The following NRXN1 variants were observed in gnomAD, a reference collection of about 807,000 sequenced individuals.
NRXN1 encodes the protein neurexin 1.
A neutral mutation model predicts 150.9 loss-of-function variants in NRXN1; 39 were observed. The observed-to-expected ratio is 0.26, with a 90% CI of 0.20 to 0.34. NRXN1 has a LOEUF of 0.34. NRXN1 is among the 10% of genes least tolerant of loss of function. NRXN1 has a pLI of 1.00. For synonymous variants in NRXN1, 924 were observed against 757.0 expected (o/e 1.22, Z -3.62); for missense variants, 1,815 against 1,949.9 (o/e 0.93, Z 1.30).
intron 2 of NRXN1, among the ~76,000 whole-genome samples, chr2:50,970,646 A>C (rs2104781291): frequency 6.6e-6 from 1 of 152,306 alleles, no homozygotes; most frequent in Non-Finnish European, 1.5e-5. Context: ...AAAATAATTA[A>C]GATCAGTTGA....
chr2:50,695,249 AT>A (rs1268856203), intron 5 of NRXN1, among the ~76,000 whole-genome samples: 1 of 152,108 alleles, frequency 6.6e-6, no homozygotes, highest in Non-Finnish European at 1.5e-5. Flanking sequence ...CCTTCAGAAT[AT>A]TTTAATTGTA....
At chr2:50,198,759 G>A (rs954713671) in intron 18 of NRXN1, among the ~76,000 whole-genome samples, 3 of 152,002 alleles carry the variant, frequency 2.0e-5, no homozygotes, top group African/African-American at 7.2e-5. Context: ...TAAAATATTT[G>A]CTTCATGTGA....
intron 5 of NRXN1, among the ~76,000 whole-genome samples, chr2:50,726,714 A>G (rs1219325939): frequency 6.6e-6 from 1 of 152,212 alleles, no homozygotes; most frequent in Non-Finnish European, 1.5e-5. Flanking sequence ...AACACTTGAA[A>G]TAATATTACT....
chr2:50,706,000 T>C (rs1694382608), intron 5 of NRXN1, among the ~76,000 whole-genome samples: 1 of 152,108 alleles, frequency 6.6e-6, no homozygotes, highest in African/African-American at 2.4e-5. Context: ...CTGAGTAAAG[T>C]TACTCAGCAG....
At chr2:50,713,697 A>C (rs961773942) in intron 5 of NRXN1, among the ~76,000 whole-genome samples, 13 of 152,198 alleles carry the variant, frequency 8.5e-5, no homozygotes, top group East Asian at 1.9e-4. Context: ...ACAAAAAAAA[A>C]CAGATAAATT....
intron 5 of NRXN1, among the ~76,000 whole-genome samples, chr2:50,745,172 A>G (rs1699862618): frequency 6.6e-6 from 1 of 152,166 alleles, no homozygotes; most frequent in African/African-American, 2.4e-5. Flanking sequence ...ACTCATCTAT[A>G]CAATAAAGTT....
At chr2:50,740,626 TATAAA>T (rs2105267951) in intron 5 of NRXN1, among the ~76,000 whole-genome samples, 1 of 152,314 alleles carries the variant, frequency 6.6e-6, no homozygotes, top group East Asian at 1.9e-4. Context: ...TGTGTACGTA[TATAAA>T]ATGGTCAATA....
Position 50,791,675 on chromosome 2 carries a change from C to T in NRXN1, c.832+130194G>A, listed in dbSNP as rs906360137. 4.6e-5 allele frequency among the ~76,000 whole-genome samples: 7 copies of T among 152,170 alleles called. No homozygotes were observed. The East Asian group carries it at 5.8e-4, about 13-fold the overall frequency. On this transcript the variant is annotated intron_variant, in intron 5 of 22. Transcript: ENST00000401669. Reference sequence around the variant, plus strand: ...TTTCCGTGAAAAAATTCCTCTGCAGCGTATTCAAATTGTATAGCCGCAATT... The same window carrying T: ...TTTCCGTGAAAAAATTCCTCTGCAGTGTATTCAAATTGTATAGCCGCAATT...
intron 2 of NRXN1, among the ~76,000 whole-genome samples, chr2:51,001,654 A>C (rs1222197753): frequency 1.3e-5 from 2 of 152,038 alleles, no homozygotes; most frequent in Non-Finnish European, 2.9e-5. Context: ...CATTATAAAA[A>C]ATAAAATTCC....
intron 5 of NRXN1, among the ~76,000 whole-genome samples, chr2:50,778,360 T>C (rs1418414439): frequency 6.6e-6 from 1 of 152,160 alleles, no homozygotes; most frequent in Non-Finnish European, 1.5e-5. Flanking sequence ...AAATATAACA[T>C]AGTAATTGTT....
At chr2:50,519,322 A>G (rs1000152296) in intron 12 of NRXN1, among the ~76,000 whole-genome samples, 1 of 151,956 alleles carries the variant, frequency 6.6e-6, no homozygotes, top group Admixed American at 6.6e-5. Context: ...TTATTAAGCT[A>G]GCTTTTAGTC....
chr2:50,186,307 T>G (rs965637816), intron 18 of NRXN1, among the ~76,000 whole-genome samples: 3 of 152,136 alleles, frequency 2.0e-5, no homozygotes, highest in South Asian at 2.1e-4. Context: ...TAAGTCTTCA[T>G]GTCAACATTT....
rs549505556 is a variant in NRXN1 at position 50,442,938 on chromosome 2, A to C, written c.3364+22504T>G. 8.5e-5 allele frequency among the ~76,000 whole-genome samples: 13 copies of C among 152,288 alleles called. No individual in the cohort carries two copies. In the South Asian group the frequency reaches 2.5e-3, roughly 29 times the overall value. On this transcript the variant is annotated intron_variant, in intron 17 of 22. Transcript: ENST00000401669. ...GATGATATCTGAAAAATATTTAATGAATTTGACAATGTGAAGATGATTGGT... is the reference window on the plus strand; with the variant it reads ...GATGATATCTGAAAAATATTTAATGCATTTGACAATGTGAAGATGATTGGT...
At chr2:50,318,769 A>G (rs1428926513) in intron 17 of NRXN1, among the ~76,000 whole-genome samples, 1 of 152,148 alleles carries the variant, frequency 6.6e-6, no homozygotes, top group Non-Finnish European at 1.5e-5. Context: ...CTATTTTAAA[A>G]AGTAAGAAGA....
At chr2:50,205,108 C>G (rs1559087516) in intron 18 of NRXN1, among the ~76,000 whole-genome samples, 1 of 152,030 alleles carries the variant, frequency 6.6e-6, no homozygotes. Flanking sequence ...AGTAGAGTCA[C>G]ACACAAATAA....
chr2:50,713,175 G>A (rs1019908718), intron 5 of NRXN1, among the ~76,000 whole-genome samples: 25 of 151,952 alleles, frequency 1.6e-4, no homozygotes, highest in African/African-American at 4.8e-4. Flanking sequence ...TTATTCAGGC[G>A]TGGTGGCGCA....
chr2:50,460,970 C>G (rs2088144155), intron 17 of NRXN1, among the ~76,000 whole-genome samples: 1 of 151,994 alleles, frequency 6.6e-6, no homozygotes, highest in Non-Finnish European at 1.5e-5. Context: ...CTTAATACTA[C>G]TGGCAACTCT....
chr2:50,827,002 AT>A (rs1433072167), intron 5 of NRXN1, among the ~76,000 whole-genome samples: 2 of 152,176 alleles, frequency 1.3e-5, no homozygotes, highest in Non-Finnish European at 2.9e-5. Flanking sequence ...AGCAGTAGGT[AT>A]GGAGGAGAAC....
At chr2:50,094,310 T>C (rs143648329) in intron 18 of NRXN1, among the ~76,000 whole-genome samples, 2 of 152,282 alleles carry the variant, frequency 1.3e-5, no homozygotes, top group African/African-American at 4.8e-5. Context: ...TACCTACTTC[T>C]AGTCCATCAA....
Sources: gnomAD v4.1 joint callset for allele counts (sites outside exome capture counted in the v4.1 genomes callset) on GRCh38, gnomAD v4.1.1 for gene constraint, MANE v1.5 for transcripts, NCBI Gene and HGNC (gene_info 2026-07-23, HGNC 2026-07-21) for gene names.